The following CWC22 variants were observed in gnomAD, a reference collection of about 807,000 sequenced individuals.
CWC22 encodes the protein pre-mRNA-splicing factor CWC22 homolog.
Under a neutral mutation model 117.2 loss-of-function variants are expected in CWC22, and 53 were observed. That is an observed-to-expected ratio of 0.45 (90% CI 0.36 to 0.57). The LOEUF is 0.57. Ranked by LOEUF, CWC22 falls within the 20% of genes least tolerant of loss-of-function variation. The probability of loss-of-function intolerance (pLI) is 0.00; values close to 1 mark genes in which losing one functional copy is unlikely to be tolerated. For synonymous variants in CWC22, 360 were observed against 355.6 expected (o/e 1.01, Z -0.14); for missense variants, 980 against 1,068.8 (o/e 0.92, Z 1.16).
chr2:179,981,800 G>T lies in CWC22; in HGVS notation c.404C>A (p.Pro135His). 1.2e-6 allele frequency: 2 copies of T among 1,613,880 alleles called. No homozygotes were observed. The highest frequency in any genetic ancestry group is 1.1e-5 in the South Asian group (1 of 91,078). Reference sequence around the variant, plus strand: ...CTGCATCATCCTGAGCTTTGCAGGGGGAATATATGCTCCACCAGTGCGAGT... The same window carrying T: ...CTGCATCATCCTGAGCTTTGCAGGGTGAATATATGCTCCACCAGTGCGAGT... ...LLTRTGGAYIPPAKLRMMQEQ... is the reference protein window; with the variant it reads ...LLTRTGGAYIHPAKLRMMQEQ... Residue 135 changes from proline (P) to histidine (H), a missense_variant, in exon 5 of 20, where the codon CCC becomes CAC. By Grantham distance (77) the Pro-to-His change is moderately conservative. Around this residue, in one of 3 missense-constraint regions of CWC22, gnomAD observed 559 missense variants for 602.3 expected, o/e 0.93. Coordinates refer to ENST00000410053, the MANE Select transcript of CWC22 (RefSeq NM_020943.3).
intron 11 of CWC22, among the ~76,000 whole-genome samples, chr2:179,966,992 T>C (rs1686907714): frequency 1.3e-5 from 2 of 152,188 alleles, no homozygotes; most frequent in Admixed American, 1.3e-4. Flanking sequence ...CATATAAATC[T>C]CAAGAATATT....
rs1686422111 is a variant in CWC22, at chr2:179,950,654, G to A, written c.1998C>T (p.Ser666=). ...ACGCTGAAGAGGAAGAGGATGGGGA[G>A]GATTTATTTTGCTCAACATCTGGTT... The part of the protein sequence containing the change: ...AQKPDVEQNK[S]SPSSSSSASS... Residue 666 remains serine (S), a synonymous_variant, in exon 19 of 20, where the codon TCC becomes TCT. Coordinates refer to ENST00000410053, the MANE Select transcript of CWC22 (RefSeq NM_020943.3). 6.2e-7 allele frequency: 1 copy of A among 1,613,458 alleles called. No homozygotes were observed. Among genetic ancestry groups the A allele is most frequent in the Admixed American group, 1.7e-5 (1 of 59,974 alleles).
chr2:180,001,252 C>G (rs1687841052), intron 1 of CWC22, among the ~76,000 whole-genome samples: 3 of 151,962 alleles, frequency 2.0e-5, no homozygotes, highest in Admixed American at 1.3e-4. Flanking sequence ...CCTGTCCCCT[C>G]TCTAGTTTTA....
chr2:180,001,072 G>C (rs1432537888), intron 1 of CWC22, among the ~76,000 whole-genome samples: 1 of 152,178 alleles, frequency 6.6e-6, no homozygotes, highest in Non-Finnish European at 1.5e-5. Flanking sequence ...TATGAGAATA[G>C]AAATTTGTCT....
chr2:179,998,340 C>T (rs3845705), intron 1 of CWC22, among the ~76,000 whole-genome samples: 21,765 of 151,878 alleles, frequency 0.14, 1,953 homozygotes, highest in Admixed American at 0.29. Flanking sequence ...GAAATTATGG[C>T]CACAATTTAT....
intron 13 of CWC22, among the ~76,000 whole-genome samples, chr2:179,959,862 T>C (rs1244704221): frequency 6.6e-6 from 1 of 152,050 alleles, no homozygotes; most frequent in Non-Finnish European, 1.5e-5. Context: ...ATGTACACTT[T>C]AAAAGGGTGA....
Position 179,988,632 on chromosome 2 carries a change from G to C in CWC22, c.40C>G (p.His14Asp), listed in dbSNP as rs1190159731. 6 of 1,511,148 alleles carry C rather than the reference G, an allele frequency of 4.0e-6. No individual in the cohort carries two copies. Among genetic ancestry groups the C allele is most frequent in the Admixed American group, 2.1e-5 (1 of 48,574 alleles). 93.6% of individuals were successfully genotyped at this position (1,511,148 alleles called of 1,614,324 possible). ...SVAQIKPSSGHDRRENLNSYQ... is the reference protein window; with the variant it reads ...SVAQIKPSSGDDRRENLNSYQ... ...GAATTAAGGTTTTCCCTTCTGTCATGACCAGAAGAAGGCTTTAAAAGAGGA... is the reference window on the plus strand; with the variant it reads ...GAATTAAGGTTTTCCCTTCTGTCATCACCAGAAGAAGGCTTTAAAAGAGGA... Residue 14 changes from histidine to aspartate, a missense_variant, in exon 3 of 20, where the codon CAT becomes GAT. Physicochemically the swap from His to Asp is moderately conservative, Grantham distance 81 (BLOSUM62 -1). This residue lies in a region of CWC22 where 559 missense variants were observed against 602.3 expected (regional missense o/e 0.93). Coordinates refer to ENST00000410053, the MANE Select transcript of CWC22 (RefSeq NM_020943.3).
At chr2:179,984,373 A>G (rs1242636532) in intron 4 of CWC22, among the ~76,000 whole-genome samples, 40 of 152,116 alleles carry the variant, frequency 2.6e-4, no homozygotes, top group Non-Finnish European at 1.6e-4. Context: ...ACTAGTAGTC[A>G]TTCTCATTAA....
At chr2:180,001,435 C>T (rs189365192) in intron 1 of CWC22, among the ~76,000 whole-genome samples, 2 of 152,146 alleles carry the variant, frequency 1.3e-5, no homozygotes, top group Non-Finnish European at 2.9e-5. Context: ...AAGTGATTCT[C>T]ATGCCTCAGC....
chr2:179,973,411 T>G (rs1687080185), intron 7 of CWC22, among the ~76,000 whole-genome samples, 165 bp from the exon 8 acceptor site: 1 of 152,250 alleles, frequency 6.6e-6, no homozygotes, highest in Non-Finnish European at 1.5e-5. Context: ...GAGTATCCCT[T>G]CTGGTTAAAT....
chr2:179,973,420 ATAGT>A (rs1687080483), intron 7 of CWC22, among the ~76,000 whole-genome samples, 174 bp from the exon 8 acceptor site: 1 of 152,246 alleles, frequency 6.6e-6, no homozygotes, highest in Non-Finnish European at 1.5e-5. Flanking sequence ...TTCTGGTTAA[ATAGT>A]TATAGTTCTA....
At chr2:179,954,459 T>C (rs990008984) in intron 15 of CWC22, 102 bp from the exon 16 acceptor site, 6 of 707,622 alleles carry the variant, frequency 8.5e-6, no homozygotes, top group Middle Eastern at 4.0e-4. Flanking sequence ...TAATATGCTT[T>C]ATATTTTCAA....
At chr2:179,958,088 T>C (rs917613867) in intron 14 of CWC22, among the ~76,000 whole-genome samples, 8 of 152,012 alleles carry the variant, frequency 5.3e-5, no homozygotes, top group Non-Finnish European at 1.2e-4. Context: ...CCCACTGCCT[T>C]GGGAGGCCGA....
chr2:179,973,028 G>C (rs1559291224), intron 8 of CWC22, among the ~76,000 whole-genome samples, 165 bp downstream of exon 8: 1 of 151,196 alleles, frequency 6.6e-6, no homozygotes, highest in Non-Finnish European at 1.5e-5. Flanking sequence ...AAAAAAAAAA[G>C]AACATTAAAT....
Position 179,955,028 on chromosome 2 carries a change from GTTCT to G in CWC22, c.1461_1464del (p.Lys487AsnfsTer5), listed in dbSNP as rs1686549429. ...CAGCAATCAAGTATCATGTTGCAGAGTTCTTTCTATTTGGGAAAAAAAATACATT... is the reference window on the plus strand; with the variant it reads ...CAGCAATCAAGTATCATGTTGCAGAGTTCTATTTGGGAAAAAAAATACATT... On this transcript the variant is annotated frameshift_variant and splice_region_variant, in exon 15 of 20. Coordinates refer to ENST00000410053, the MANE Select transcript of CWC22 (RefSeq NM_020943.3). LOFTEE classifies it high-confidence loss of function. 1 of 1,594,818 alleles carries G rather than the reference GTTCT, an allele frequency of 6.3e-7. No homozygotes were observed. Among genetic ancestry groups the G allele is most frequent in the Non-Finnish European group, 8.6e-7 (1 of 1,169,116 alleles).
At position 179,945,155 on chromosome 2, in the gene CWC22, C is replaced by A; in HGVS notation, c.2701G>T (p.Glu901Ter). Residue 901 changes from glutamate to a stop codon, truncating the protein, a stop_gained, in exon 20 of 20, where the codon GAA (glutamate) becomes TAA (stop). Transcript: ENST00000410053. LOFTEE classifies it high-confidence loss of function. ...TATTTTTGTTTTGCTGGAGACTTTT[C>A]TCTTCGCCGGTCCTGATTTTTCTTT... ...ESKKNQDRRR[E>*]KSPAKQK 1 of 1,601,506 alleles carries A rather than the reference C, an allele frequency of 6.2e-7. No homozygotes were observed. The highest frequency in any genetic ancestry group is 8.5e-7 in the Non-Finnish European group (1 of 1,176,436).
chr2:179,974,121 ATTTC>A (rs929128598), intron 6 of CWC22, among the ~76,000 whole-genome samples: 3 of 152,202 alleles, frequency 2.0e-5, no homozygotes, highest in Admixed American at 6.5e-5. Flanking sequence ...CATATAAATA[ATTTC>A]TTTAACATTT....
Position 179,988,582 on chromosome 2 carries a change from T to C in CWC22, c.90A>G (p.Glu30=), listed in dbSNP as rs1267772911. 1.3e-6 allele frequency: 2 copies of C among 1,490,580 alleles called. No homozygotes were observed. The highest frequency in any genetic ancestry group is 1.4e-5 in the African/African-American group (1 of 71,878). The allele number at this position is 1,490,580 out of a possible 1,614,324, so 92.3% of individuals were successfully genotyped here. A position where few individuals can be genotyped will look rare whatever the true frequency, so the allele number is the denominator to read the frequency against. ...LNSYQRNSSP[E]DRYEEQERSP... is the part of the protein sequence containing the mutation. Reference sequence around the variant, plus strand: ...GAGCATATTAAACTATTTACCTGTCTTCTGGAGAGGAGTTCCTCTGATATG... The same window carrying C: ...GAGCATATTAAACTATTTACCTGTCCTCTGGAGAGGAGTTCCTCTGATATG... Residue 30 remains glutamate, a synonymous_variant, in exon 3 of 20, where the codon GAA becomes GAG. Transcript: ENST00000410053.
intron 8 of CWC22, among the ~76,000 whole-genome samples, chr2:179,971,562 T>G (rs1164270679): frequency 6.6e-6 from 1 of 152,174 alleles, no homozygotes; most frequent in African/African-American, 2.4e-5. Context: ...TTAAGTTACA[T>G]GAATACTAAT....
Sources: gnomAD v4.1 joint callset for allele counts (sites outside exome capture counted in the v4.1 genomes callset) on GRCh38, gnomAD v4.1.1 for gene constraint, gnomAD v4.1.1 regional missense constraint, MANE v1.5 for transcripts, NCBI Gene and HGNC (gene_info 2026-07-23, HGNC 2026-07-21) for gene names.